The following ANKS1B variants were observed in gnomAD, a reference collection of about 807,000 sequenced individuals.
ANKS1B encodes the protein ankyrin repeat and sterile alpha motif domain containing 1B.
ANKS1B carries 36 observed loss-of-function variants against 148.3 expected under a neutral mutation model. The observed-to-expected ratio is 0.24, with a 90% confidence interval of 0.19 to 0.32. The LOEUF is 0.32. Among genes scored for constraint, ANKS1B ranks in the 10% least tolerant of loss-of-function variants. ANKS1B has a pLI of 1.00. For synonymous variants in ANKS1B, 542 were observed against 560.8 expected, an observed-to-expected ratio of 0.97 and a Z score of 0.47; for missense variants, 1,157 against 1,542.6, an observed-to-expected ratio of 0.75 and a Z score of 4.19.
At chr12:99,428,420 T>C (rs1273716779) in intron 11 of ANKS1B, among the ~76,000 whole-genome samples, 1 of 152,134 alleles carries the variant, frequency 6.6e-6, no homozygotes, top group Non-Finnish European at 1.5e-5. Context: ...TGACCCTAAA[T>C]GAGAATCAGG....
chr12:98,889,357 T>TA (rs1355620306), intron 17 of ANKS1B, among the ~76,000 whole-genome samples: 1 of 151,964 alleles, frequency 6.6e-6, no homozygotes, highest in Non-Finnish European at 1.5e-5. Flanking sequence ...TTTATTTTTT[T>TA]TTTTTTTGAG....
At chr12:99,884,180 AT>A (rs201318540) in intron 1 of ANKS1B, among the ~76,000 whole-genome samples, 1,628 of 152,262 alleles carry the variant, frequency 0.011, 21 homozygotes, top group Admixed American at 0.02. Context: ...GTCATTAGTC[AT>A]TAGAAAATGT....
At chr12:98,898,005 T>C (rs912522331) in intron 17 of ANKS1B, among the ~76,000 whole-genome samples, 1 of 151,886 alleles carries the variant, frequency 6.6e-6, no homozygotes, top group African/African-American at 2.4e-5. Context: ...AACTAAACAA[T>C]AGGTACAAAT....
exon 10 of ANKS1B, chr12:98,735,201 G>A: frequency 2.5e-6 from 1 of 398,980 alleles, no homozygotes; most frequent in East Asian, 3.6e-5. Flanking sequence ...TTGTTTTGTA[G>A]TTTGCAGATG....
intron 14 of ANKS1B, among the ~76,000 whole-genome samples, chr12:99,160,946 TA>T: frequency 6.6e-6 from 1 of 152,182 alleles, no homozygotes; most frequent in South Asian, 2.1e-4. Context: ...TGTAGCCTTA[TA>T]GCATAGTTTG....
At chr12:99,238,411 A>G (rs1458506902) in intron 14 of ANKS1B, among the ~76,000 whole-genome samples, 2 of 152,204 alleles carry the variant, frequency 1.3e-5, no homozygotes, top group African/African-American at 2.4e-5. Context: ...GGGAAGCTCC[A>G]AATGGGTGGA....
At chr12:99,629,220 AT>A (rs1231071367) in intron 9 of ANKS1B, among the ~76,000 whole-genome samples, 3 of 152,204 alleles carry the variant, frequency 2.0e-5, no homozygotes, top group African/African-American at 7.2e-5. Flanking sequence ...CTCAGCAAGT[AT>A]TTATTAAGAG....
At chr12:98,980,058 T>A (rs2099906921) in intron 17 of ANKS1B, among the ~76,000 whole-genome samples, 4 of 152,230 alleles carry the variant, frequency 2.6e-5, no homozygotes, top group Admixed American at 6.5e-5. Flanking sequence ...ATGTCAGATA[T>A]TCTTAATCCA....
intron 8 of ANKS1B, among the ~76,000 whole-genome samples, chr12:99,696,333 G>T (rs1378663637): frequency 1.3e-5 from 2 of 152,042 alleles, no homozygotes. Flanking sequence ...TCGATTTCAA[G>T]GTGTACTATA....
intron 10 of ANKS1B, among the ~76,000 whole-genome samples, chr12:99,462,639 T>C (rs1316644555): frequency 1.3e-5 from 2 of 152,256 alleles, no homozygotes; most frequent in Non-Finnish European, 2.9e-5. Flanking sequence ...ATACAACTGC[T>C]AGAAATTAAT....
chr12:98,862,287 G>T (rs184486974), intron 17 of ANKS1B, among the ~76,000 whole-genome samples: 94 of 152,288 alleles, frequency 6.2e-4, no homozygotes, highest in Non-Finnish European at 1.1e-3. Context: ...TCTCAGCCAT[G>T]TATTGCGGGA....
chr12:99,401,646 T>C (rs1244401703), intron 11 of ANKS1B, among the ~76,000 whole-genome samples: 1 of 146,806 alleles, frequency 6.8e-6, no homozygotes, highest in Non-Finnish European at 1.5e-5. Flanking sequence ...GCAGATATCA[T>C]GCACGTAAGC....
intron 9 of ANKS1B, among the ~76,000 whole-genome samples, chr12:99,640,478 AGT>A (rs1383175788): frequency 1.3e-5 from 2 of 152,110 alleles, no homozygotes; most frequent in Non-Finnish European, 2.9e-5. Context: ...TTATTCTTGG[AGT>A]GTGTTTGCTA....
At chr12:99,462,934 C>T (rs2096009291) in intron 10 of ANKS1B, among the ~76,000 whole-genome samples, 1 of 152,174 alleles carries the variant, frequency 6.6e-6, no homozygotes, top group African/African-American at 2.4e-5. Context: ...AGTAAAGGTT[C>T]CTGAGGCCTC....
intron 8 of ANKS1B, among the ~76,000 whole-genome samples, chr12:99,692,427 T>C (rs1430363351): frequency 6.6e-6 from 1 of 151,870 alleles, no homozygotes; most frequent in Non-Finnish European, 1.5e-5. Context: ...TCCCAGCACT[T>C]TGGGAGGCTG....
At chr12:99,083,648 T>C (rs945809103) in intron 16 of ANKS1B, 3 of 152,214 alleles carry the variant, frequency 2.0e-5, no homozygotes, top group African/African-American at 7.2e-5. Context: ...AACATAAAAC[T>C]TACCATCATC....
intron 10 of ANKS1B, among the ~76,000 whole-genome samples, chr12:99,495,939 T>C (rs1391075904): frequency 6.6e-6 from 1 of 152,204 alleles, no homozygotes; most frequent in Non-Finnish European, 1.5e-5. Context: ...GAAGGTATAG[T>C]AGAGTGTGGA....
intron 11 of ANKS1B, among the ~76,000 whole-genome samples, chr12:99,436,916 G>T (rs546519750): frequency 5.9e-5 from 9 of 151,812 alleles, no homozygotes; most frequent in African/African-American, 2.2e-4. Context: ...GCTTCTTTTT[G>T]CTATGGTCCC....
At chr12:99,350,845 C>T (rs947051297) in intron 12 of ANKS1B, among the ~76,000 whole-genome samples, 1 of 152,032 alleles carries the variant, frequency 6.6e-6, no homozygotes, top group Non-Finnish European at 1.5e-5. Flanking sequence ...ATCACATCCA[C>T]GTCTTTCTGA....
Sources: allele counts gnomAD v4.1 joint callset (sites outside exome capture counted in the v4.1 genomes callset), GRCh38; gene constraint gnomAD v4.1.1; transcripts MANE v1.5; gene names NCBI Gene and HGNC (gene_info 2026-07-23, HGNC 2026-07-21).